TMEM64: variants seen among roughly 807,000 people sequenced by gnomAD.
TMEM64 encodes the protein transmembrane protein 64.
Under a neutral mutation model 24.5 loss-of-function variants are expected in TMEM64, and 19 were observed. The ratio of observed to expected loss-of-function variants is 0.78; its 90% CI spans 0.54 to 1.14. TMEM64 has a LOEUF of 1.14. Ranked by LOEUF, TMEM64 falls within the 50% of genes most tolerant of loss-of-function variation. TMEM64 has a pLI of 0.00. For synonymous variants in TMEM64, 262 were observed against 224.7 expected (o/e 1.17, Z -1.49); for missense variants, 487 against 493.0 (o/e 0.99, Z 0.12).
intron 1 of TMEM64, among the ~76,000 whole-genome samples, chr8:90,644,018 G>T (rs995251015): frequency 5.3e-5 from 8 of 152,188 alleles, no homozygotes; most frequent in African/African-American, 1.4e-4. Context: ...AAAGTTTCCA[G>T]AAACTAACAA....
intron 1 of TMEM64, among the ~76,000 whole-genome samples, chr8:90,643,022 C>T (rs1037547823): frequency 2.9e-4 from 44 of 152,066 alleles, no homozygotes; most frequent in African/African-American, 1.0e-3. Flanking sequence ...TAAATTATTA[C>T]CAAGCACAAA....
intron 2 of TMEM64, 23 bp from the exon 3 acceptor site, chr8:90,625,885 ACAGTT>A: frequency 6.7e-7 from 1 of 1,495,486 alleles, no homozygotes. Flanking sequence ...ATAAAACATT[ACAGTT>A]ATCAATATTT....
chr8:90,644,399 T>C (rs993311847), intron 1 of TMEM64, among the ~76,000 whole-genome samples: 1 of 152,228 alleles, frequency 6.6e-6, no homozygotes, highest in African/African-American at 2.4e-5. Context: ...TATAGAAACC[T>C]GAGTAAGCAA....
Position 90,624,353 on chromosome 8 carries a change from G to T in TMEM64, c.*1318C>A, listed in dbSNP as rs907144560. On this transcript the variant is annotated 3_prime_UTR_variant, in exon 3 of 3. Coordinates refer to ENST00000458549, the MANE Select transcript of TMEM64 (RefSeq NM_001008495.4). ...TTGGAATCATCATAGCAAAAAAAGA[G>T]ATACCTACCAGAAAATTTGCATTAA... 1.3e-5 allele frequency: 2 copies of T among 151,826 alleles called. No homozygotes were observed. The highest frequency in any genetic ancestry group is 2.9e-5 in the Non-Finnish European group (2 of 67,878). The allele number at this position is 151,826 out of a possible 1,614,324, so 9.4% of individuals were successfully genotyped here. A position where few individuals can be genotyped will look rare whatever the true frequency, so the allele number is the denominator to read the frequency against.
At chr8:90,639,320 T>C (rs1476747828) in intron 1 of TMEM64, among the ~76,000 whole-genome samples, 2 of 152,120 alleles carry the variant, frequency 1.3e-5, no homozygotes, top group African/African-American at 2.4e-5. Context: ...TTCCCAAATA[T>C]CTTAGGGAGA....
intron 1 of TMEM64, among the ~76,000 whole-genome samples, chr8:90,636,803 A>G (rs953910750): frequency 6.6e-6 from 1 of 152,150 alleles, no homozygotes; most frequent in Non-Finnish European, 1.5e-5. Flanking sequence ...ATTTTGGCTC[A>G]GGAGTTGTAT....
chr8:90,635,367 C>CATCTT (rs1809502448), intron 1 of TMEM64, among the ~76,000 whole-genome samples: 1 of 149,222 alleles, frequency 6.7e-6, no homozygotes, highest in African/African-American at 2.5e-5. Context: ...GCTTCCAAAT[C>CATCTT]ATTTTATTTT....
intron 1 of TMEM64, among the ~76,000 whole-genome samples, chr8:90,639,455 G>A (rs927971439): frequency 6.6e-6 from 1 of 152,034 alleles, no homozygotes; most frequent in African/African-American, 2.4e-5. Context: ...ATAATTTCTG[G>A]AACACAAGTT....
chr8:90,634,410 G>A (rs945002685), intron 1 of TMEM64, among the ~76,000 whole-genome samples: 1 of 152,080 alleles, frequency 6.6e-6, no homozygotes, highest in African/African-American at 2.4e-5. Flanking sequence ...GTTAATACGT[G>A]GCAAGGAATT....
chr8:90,638,326 T>A (rs1408765672), intron 1 of TMEM64, among the ~76,000 whole-genome samples: 1 of 152,152 alleles, frequency 6.6e-6, no homozygotes, highest in Non-Finnish European at 1.5e-5. Context: ...TCTACGTTGT[T>A]CCTTCTGGGG....
At chr8:90,632,071 G>A (rs1450048744) in intron 1 of TMEM64, among the ~76,000 whole-genome samples, 2 of 152,094 alleles carry the variant, frequency 1.3e-5, no homozygotes, top group African/African-American at 2.4e-5. Context: ...CAGTGTGGTC[G>A]CTGAGCTTTG....
chr8:90,637,007 A>G (rs919270620), intron 1 of TMEM64, among the ~76,000 whole-genome samples: 56 of 152,340 alleles, frequency 3.7e-4, no homozygotes, highest in African/African-American at 1.3e-3. Flanking sequence ...GTACAGTGAT[A>G]TACTTGGAGA....
Position 90,623,300 on chromosome 8 carries a change from A to T in TMEM64, c.*2371T>A, listed in dbSNP as rs541520454. 2 of 152,302 alleles carry T rather than the reference A, an allele frequency of 1.3e-5. No homozygotes were observed. The highest frequency in any genetic ancestry group is 6.5e-5 in the Admixed American group (1 of 15,286). 9.4% of individuals were successfully genotyped at this position (152,302 alleles called of 1,614,324 possible). On this transcript the variant is annotated 3_prime_UTR_variant, in exon 3 of 3. Coordinates refer to ENST00000458549, the MANE Select transcript of TMEM64 (RefSeq NM_001008495.4). ...GACAGCAATATTTGGACAACATAAA[A>T]GTATCCTGTAGATATGTGTTGCTGC...
At chr8:90,640,282 T>C (rs1586130967) in intron 1 of TMEM64, among the ~76,000 whole-genome samples, 1 of 152,204 alleles carries the variant, frequency 6.6e-6, no homozygotes, top group Non-Finnish European at 1.5e-5. Flanking sequence ...TGACCGATCA[T>C]ATCTTTTTTT....
In TMEM64 at chr8:90,624,783, A is replaced by G. The variant is rs1452817583; in HGVS notation, c.*888T>C. 1 of 152,612 alleles carries G rather than the reference A, an allele frequency of 6.6e-6. No individual in the cohort carries two copies. Among genetic ancestry groups the G allele is most frequent in the East Asian group, 1.9e-4 (1 of 5,206 alleles). The allele number at this position is 152,612 out of a possible 1,614,324, so 9.5% of individuals were successfully genotyped here. ...GGCCACCTGAGTGACATCTTCAATG[A>G]TGGTAAGCCCACCATTTTAAAGGAA... On this transcript the variant is annotated 3_prime_UTR_variant, in exon 3 of 3. Coordinates refer to ENST00000458549, the MANE Select transcript of TMEM64 (RefSeq NM_001008495.4).
At chr8:90,628,769 G>A (rs1158170982) in intron 2 of TMEM64, among the ~76,000 whole-genome samples, 1 of 152,096 alleles carries the variant, frequency 6.6e-6, no homozygotes, top group Non-Finnish European at 1.5e-5. Context: ...CGAAGTTTTT[G>A]AGCACTAACA....
chr8:90,642,110 T>G (rs1243647745), intron 1 of TMEM64, among the ~76,000 whole-genome samples: 1 of 152,214 alleles, frequency 6.6e-6, no homozygotes, highest in East Asian at 1.9e-4. Flanking sequence ...CAGCTCCTGC[T>G]TCTAAAATGT....
intron 1 of TMEM64, among the ~76,000 whole-genome samples, chr8:90,643,635 C>A (rs1185196049): frequency 6.6e-6 from 1 of 152,232 alleles, no homozygotes; most frequent in African/African-American, 2.4e-5. Context: ...TATTGAAACA[C>A]AAACTAACAG....
chr8:90,643,919 T>C (rs1042053802), intron 1 of TMEM64, among the ~76,000 whole-genome samples: 12 of 152,164 alleles, frequency 7.9e-5, no homozygotes, highest in African/African-American at 2.9e-4. Context: ...GCAAAAGGCA[T>C]TTAAAAGAAA....
Sources: gnomAD v4.1 joint callset for allele counts (sites outside exome capture counted in the v4.1 genomes callset) on GRCh38, gnomAD v4.1.1 for gene constraint, MANE v1.5 for transcripts, NCBI Gene and HGNC (gene_info 2026-07-23, HGNC 2026-07-21) for gene names.